Variants in RPA3 observed in about 807,000 individuals in gnomAD.
RPA3 encodes replication protein A 14 kDa subunit.
RPA3 carries 24 observed loss-of-function variants against 13.7 expected under a neutral mutation model. The observed-to-expected ratio is 1.75, with a 90% CI of 1.27 to 2.46. The LOEUF (loss-of-function observed/expected upper bound fraction) is 2.46, where lower values mean the gene tolerates loss of function less well. Among genes scored for constraint, RPA3 ranks in the 30% most tolerant of loss-of-function variants. The pLI is 0.00. For missense variants in RPA3, 183 were observed against 151.0 expected, an observed-to-expected ratio of 1.21 and a Z score of -1.11; for synonymous variants, 59 against 51.2, an observed-to-expected ratio of 1.15 and a Z score of -0.65.
chr7:7,639,270 T>C (rs1784914333), intron 5 of RPA3, 126 bp from the exon 6 acceptor site: 1 of 613,064 alleles, frequency 1.6e-6, no homozygotes, highest in Non-Finnish European at 2.8e-6. Flanking sequence ...ATTCAGTTTA[T>C]TCAACTTATT....
intron 2 of RPA3, among the ~76,000 whole-genome samples, chr7:7,714,093 G>A (rs28912684): frequency 0.054 from 8,212 of 152,264 alleles, 258 homozygotes; most frequent in Middle Eastern, 0.12. Flanking sequence ...TTATCTTTTT[G>A]ATGAAGATTT....
intron 4 of RPA3, among the ~76,000 whole-genome samples, chr7:7,657,780 A>G (rs2115085025): frequency 6.6e-6 from 1 of 152,074 alleles, no homozygotes; most frequent in Non-Finnish European, 1.5e-5. Context: ...GCTTATGATT[A>G]TCTTGGCTAT....
At position 7,636,968 on chromosome 7, in the gene RPA3, C is replaced by T; in HGVS notation, c.*32G>A. 1.4e-6 allele frequency: 2 copies of T among 1,450,920 alleles called. No homozygotes were observed. The highest frequency in any genetic ancestry group is 1.9e-6 in the Non-Finnish European group (2 of 1,033,638). 89.9% of individuals were successfully genotyped at this position (1,450,920 alleles called of 1,614,324 possible). A position where few individuals can be genotyped will look rare whatever the true frequency, so the allele number is the denominator to read the frequency against. On this transcript the variant is annotated 3_prime_UTR_variant, in exon 8 of 8. Transcript: ENST00000223129. ...CTTCCTTTAATAGACTTTAATATAG[C>T]TCATTTACAATCGTATGAAAATCCA...
At chr7:7,672,505 A>G (rs764966015) in intron 4 of RPA3, among the ~76,000 whole-genome samples, 1 of 152,178 alleles carries the variant, frequency 6.6e-6, no homozygotes, top group Non-Finnish European at 1.5e-5. Context: ...TCCCCACCCA[A>G]ATCTCACTTT....
intron 4 of RPA3, among the ~76,000 whole-genome samples, chr7:7,670,376 G>A (rs1001765059): frequency 3.3e-5 from 5 of 152,284 alleles, no homozygotes; most frequent in African/African-American, 1.2e-4. Context: ...AGTTCTTGTA[G>A]CACTCTAATG....
intron 2 of RPA3, among the ~76,000 whole-genome samples, chr7:7,695,609 G>T (rs574388448): frequency 6.6e-6 from 1 of 152,208 alleles, no homozygotes; most frequent in Admixed American, 6.5e-5. Context: ...TGAATTTCTG[G>T]CAGTGGAATT....
chr7:7,699,010 A>G (rs955943890), intron 2 of RPA3, among the ~76,000 whole-genome samples: 2 of 146,640 alleles, frequency 1.4e-5, no homozygotes, highest in Admixed American at 1.4e-4. Flanking sequence ...GTGCACCATC[A>G]TGCCCAGTTA....
At chr7:7,703,447 A>C (rs1780518146) in intron 2 of RPA3, among the ~76,000 whole-genome samples, 1 of 152,212 alleles carries the variant, frequency 6.6e-6, no homozygotes, top group African/African-American at 2.4e-5. Flanking sequence ...TTATTTATTA[A>C]ATAAAAAGAA....
At chr7:7,687,904 T>A (rs1419682080) in intron 2 of RPA3, among the ~76,000 whole-genome samples, 1 of 152,236 alleles carries the variant, frequency 6.6e-6, no homozygotes. Flanking sequence ...ATTTCTGGCA[T>A]CCATCATTTC....
intron 4 of RPA3, among the ~76,000 whole-genome samples, chr7:7,645,252 T>C (rs182629741): frequency 6.6e-6 from 1 of 152,346 alleles, no homozygotes. Flanking sequence ...TTCAGTACCA[T>C]TTTGAATAGA....
chr7:7,673,238 C>G (rs1359347757), intron 4 of RPA3: 1 of 939,558 alleles, frequency 1.1e-6, no homozygotes, highest in Non-Finnish European at 1.7e-6. Context: ...TTATGCTGAA[C>G]TTTTTGCTAA....
intron 2 of RPA3, among the ~76,000 whole-genome samples, chr7:7,699,128 A>G (rs534798216): frequency 7.2e-5 from 11 of 152,048 alleles, no homozygotes; most frequent in African/African-American, 2.7e-4. Flanking sequence ...TGCTAGCATT[A>G]TAGGTGTGAG....
chr7:7,649,963 C>T (rs1223815507), intron 4 of RPA3, among the ~76,000 whole-genome samples: 1 of 152,218 alleles, frequency 6.6e-6, no homozygotes, highest in Admixed American at 6.5e-5. Flanking sequence ...TATACTGGAG[C>T]TTTGATCTTA....
At chr7:7,683,724 G>C (rs956337585) in intron 4 of RPA3, among the ~76,000 whole-genome samples, 1 of 152,016 alleles carries the variant, frequency 6.6e-6, no homozygotes, top group African/African-American at 2.4e-5. Flanking sequence ...CTGGGTTCAA[G>C]TGATTCTCCT....
intron 4 of RPA3, among the ~76,000 whole-genome samples, chr7:7,661,757 G>T (rs1161805777): frequency 1.3e-5 from 2 of 152,168 alleles, no homozygotes; most frequent in Non-Finnish European, 2.9e-5. Context: ...CTGCTGGGAG[G>T]TGTCTCCCAG....
chr7:7,695,347 A>G (rs1780284827), intron 2 of RPA3, among the ~76,000 whole-genome samples: 1 of 152,258 alleles, frequency 6.6e-6, no homozygotes, highest in Admixed American at 6.5e-5. Context: ...TTTGTAACAC[A>G]GAATGATTAT....
At chr7:7,702,884 C>A (rs1160723822) in intron 2 of RPA3, among the ~76,000 whole-genome samples, 1 of 152,174 alleles carries the variant, frequency 6.6e-6, no homozygotes, top group Admixed American at 6.5e-5. Context: ...TATTGCTTCA[C>A]CCACCTGTAC....
intron 2 of RPA3, among the ~76,000 whole-genome samples, chr7:7,701,670 T>C (rs935815143): frequency 1.3e-5 from 2 of 152,220 alleles, no homozygotes; most frequent in African/African-American, 4.8e-5. Flanking sequence ...ATTAGGAGGC[T>C]GATTAGGATG....
chr7:7,640,140 A>G (rs1399666573), intron 5 of RPA3, 180 bp downstream of exon 5: 3 of 647,982 alleles, frequency 4.6e-6, no homozygotes, highest in African/African-American at 3.7e-5. Flanking sequence ...CCGTGCCATA[A>G]AAGAGCGCCA....
Sources: gnomAD v4.1 joint callset for allele counts (sites outside exome capture counted in the v4.1 genomes callset) on GRCh38, gnomAD v4.1.1 for gene constraint, MANE v1.5 for transcripts, NCBI Gene and HGNC (gene_info 2026-07-23, HGNC 2026-07-21) for gene names.